WWC2: variants seen among roughly 807,000 people sequenced by gnomAD.
The protein encoded by WWC2 is protein WWC2.
WWC2 carries 101 observed loss-of-function variants against 138.5 expected under a neutral mutation model. The observed-to-expected ratio is 0.73, with a 90% confidence interval of 0.62 to 0.86. The LOEUF (loss-of-function observed/expected upper bound fraction) is 0.86. Among genes scored for constraint, WWC2 ranks in the 40% least tolerant of loss-of-function variants. The pLI, the probability that WWC2 is intolerant of heterozygous loss-of-function variation, is 0.00. For synonymous variants in WWC2, 558 were observed against 538.4 expected (o/e 1.04, Z -0.50); for missense variants, 1,420 against 1,419.4 (o/e 1.00, Z -0.01).
At chr4:183,200,040 G>T (rs751780600) in intron 2 of WWC2, among the ~76,000 whole-genome samples, 3 of 152,188 alleles carry the variant, frequency 2.0e-5, no homozygotes, top group Non-Finnish European at 2.9e-5. Flanking sequence ...CTTCTAAGGT[G>T]GCTTTGGGAA....
chr4:183,297,940 G>A (rs1359538534), intron 21 of WWC2, among the ~76,000 whole-genome samples: 3 of 152,218 alleles, frequency 2.0e-5, no homozygotes, highest in Admixed American at 6.5e-5. Flanking sequence ...GGCACATGTT[G>A]GCTTCAACAG....
chr4:183,206,785 G>T (rs575349062), intron 2 of WWC2, among the ~76,000 whole-genome samples: 123 of 152,304 alleles, frequency 8.1e-4, no homozygotes, highest in Non-Finnish European at 1.5e-3. Flanking sequence ...CCGTTCTCTT[G>T]TATACACCAT....
At chr4:183,214,190 C>G (rs1201630714) in intron 4 of WWC2, among the ~76,000 whole-genome samples, 3 of 152,128 alleles carry the variant, frequency 2.0e-5, no homozygotes, top group African/African-American at 7.2e-5. Context: ...GCACCGCATT[C>G]CAAACACATA....
intron 1 of WWC2, among the ~76,000 whole-genome samples, chr4:183,186,706 G>T (rs147844978): frequency 1.3e-5 from 2 of 152,124 alleles, no homozygotes; most frequent in Non-Finnish European, 2.9e-5. Context: ...TGCGAGACAT[G>T]TAGAGAGGAG....
At position 183,284,320 on chromosome 4, in the gene WWC2, T is replaced by A. The variant is rs1240445611; in HGVS notation, c.2978T>A (p.Phe993Tyr). The A allele has an allele frequency of 1.2e-6, 2 of 1,613,994 alleles. No homozygotes were observed. ...AGCCTGAGCTCTAGACAGCATCCGTTTGTGAGGAGCAGTGTGATAGTGCGC... is the reference window on the plus strand; with the variant it reads ...AGCCTGAGCTCTAGACAGCATCCGTATGTGAGGAGCAGTGTGATAGTGCGC... ...RSSLSSRQHPFVRSSVIVRSQ... is the reference protein window; with the variant it reads ...RSSLSSRQHPYVRSSVIVRSQ... Residue 993 changes from phenylalanine (F) to tyrosine (Y), a missense_variant, in exon 19 of 23, where the codon TTT becomes TAT. Transcript: ENST00000403733.
intron 2 of WWC2, among the ~76,000 whole-genome samples, chr4:183,201,201 T>A (rs1477018833): frequency 6.6e-6 from 1 of 152,248 alleles, no homozygotes; most frequent in African/African-American, 2.4e-5. Context: ...GGTGATGTCC[T>A]TGAAGATTCT....
intron 7 of WWC2, 112 bp downstream of exon 7, chr4:183,248,972 T>G: frequency 9.3e-7 from 1 of 1,072,578 alleles, no homozygotes. Flanking sequence ...TCTGGCTGTG[T>G]GCATTCAGTG....
chr4:183,276,684 C>A (rs1580138706), intron 16 of WWC2, among the ~76,000 whole-genome samples: 1 of 152,042 alleles, frequency 6.6e-6, no homozygotes, highest in East Asian at 1.9e-4. Flanking sequence ...ACGTTTTTAC[C>A]CTTTTGTTAT....
intron 21 of WWC2, among the ~76,000 whole-genome samples, chr4:183,301,938 T>C (rs557951057): frequency 1.3e-5 from 2 of 152,348 alleles, no homozygotes; most frequent in East Asian, 3.9e-4. Context: ...AGATAGATTG[T>C]TCTGAAATTT....
At chr4:183,179,206 A>T (rs957664077) in intron 1 of WWC2, among the ~76,000 whole-genome samples, 3 of 152,194 alleles carry the variant, frequency 2.0e-5, no homozygotes, top group African/African-American at 4.8e-5. Flanking sequence ...GGAAGAACAC[A>T]TACTGCCCCG....
chr4:183,249,301 A>G (rs1489586652), intron 7 of WWC2, among the ~76,000 whole-genome samples: 15 of 152,182 alleles, frequency 9.9e-5, no homozygotes, highest in Non-Finnish European at 2.9e-5. Context: ...TGTGATTTAT[A>G]TCTGCCATTT....
At chr4:183,306,850 A>G (rs1291033628) in intron 21 of WWC2, among the ~76,000 whole-genome samples, 2 of 148,146 alleles carry the variant, frequency 1.4e-5, no homozygotes, top group South Asian at 2.2e-4. Context: ...TTAGACATCT[A>G]TGTGACTAAC....
chr4:183,311,332 A>C (rs1739208967), intron 21 of WWC2, among the ~76,000 whole-genome samples: 1 of 152,212 alleles, frequency 6.6e-6, no homozygotes, highest in Non-Finnish European at 1.5e-5. Context: ...GTGAGTTACA[A>C]CTACATATAA....
intron 21 of WWC2, among the ~76,000 whole-genome samples, chr4:183,303,966 A>C (rs1389248033): frequency 6.6e-6 from 1 of 152,008 alleles, no homozygotes; most frequent in Non-Finnish European, 1.5e-5. Flanking sequence ...AAATAATTTA[A>C]ATAGGTGATT....
intron 1 of WWC2, among the ~76,000 whole-genome samples, chr4:183,138,810 AT>A (rs1733203481): frequency 6.6e-6 from 1 of 152,066 alleles, no homozygotes; most frequent in African/African-American, 2.4e-5. Context: ...TAAGTAACAC[AT>A]TTAGTTGTCT....
Position 183,319,305 on chromosome 4 carries a change from G to A in WWC2, c.*3576G>A, listed in dbSNP as rs950569781. On this transcript the variant is annotated 3_prime_UTR_variant, in exon 23 of 23. Coordinates refer to ENST00000403733, the MANE Select transcript of WWC2 (RefSeq NM_024949.6). Reference sequence around the variant, plus strand: ...TTTTATTTACCACTTCTGTGCAATCGCTATTTTAAAATTGAGAAAACTCAT... The same window carrying A: ...TTTTATTTACCACTTCTGTGCAATCACTATTTTAAAATTGAGAAAACTCAT... 10 of 414,814 alleles carry A rather than the reference G, an allele frequency of 2.4e-5. No individual in the cohort carries two copies. The highest frequency in any genetic ancestry group is 3.8e-5 in the Non-Finnish European group (9 of 235,452). The allele number at this position is 414,814 out of a possible 1,614,324, so 25.7% of individuals were successfully genotyped here.
At chr4:183,315,114 GA>G (rs1161905960) in intron 22 of WWC2, among the ~76,000 whole-genome samples, 12 of 152,188 alleles carry the variant, frequency 7.9e-5, no homozygotes, top group African/African-American at 2.7e-4. Context: ...CTCCTCACCT[GA>G]AAACCGCTCT....
chr4:183,190,482 G>A (rs4376188), intron 1 of WWC2, among the ~76,000 whole-genome samples: 146,028 of 152,238 alleles, frequency 0.96, 70,334 homozygotes, highest in Non-Finnish European at 1. Context: ...TGAGAATGTT[G>A]TTCTATTTAT....
intron 4 of WWC2, among the ~76,000 whole-genome samples, chr4:183,236,225 T>A (rs1736419601): frequency 6.6e-6 from 1 of 152,222 alleles, no homozygotes; most frequent in Non-Finnish European, 1.5e-5. Flanking sequence ...GCCAGTTGTG[T>A]GCTGTTTTGG....
Sources: allele counts gnomAD v4.1 joint callset (sites outside exome capture counted in the v4.1 genomes callset), GRCh38; gene constraint gnomAD v4.1.1; transcripts MANE v1.5; gene names NCBI Gene and HGNC (gene_info 2026-07-23, HGNC 2026-07-21).